CTNNA2: variants seen among roughly 807,000 people sequenced by gnomAD.
CTNNA2 encodes the protein catenin alpha-2.
In CTNNA2, 42 loss-of-function variants were observed where a neutral mutation model predicts 101.0. The observed-to-expected ratio is 0.42, with a 90% CI of 0.32 to 0.54. The LOEUF (loss-of-function observed/expected upper bound fraction) is 0.54, where lower values mean the gene tolerates loss of function less well. Among genes scored for constraint, CTNNA2 ranks in the 20% least tolerant of loss-of-function variants. The pLI is 0.14. For synonymous variants in CTNNA2, 450 were observed against 456.4 expected (o/e 0.99, Z 0.18); for missense variants, 871 against 1,223.1 (o/e 0.71, Z 4.29).
intron 3 of CTNNA2, among the ~76,000 whole-genome samples, chr2:79,770,601 T>G (rs1335690954): frequency 1.3e-5 from 2 of 152,210 alleles, no homozygotes; most frequent in African/African-American, 4.8e-5. Context: ...AAGGCAAATG[T>G]CAGTATTTAA....
intron 2 of CTNNA2, among the ~76,000 whole-genome samples, chr2:79,199,361 GTCAGTAATTGGT>G (rs1371170137): frequency 1.1e-4 from 16 of 152,114 alleles, no homozygotes; most frequent in African/African-American, 3.9e-4. Flanking sequence ...CATTGATATA[GTCAGTAATTGGT>G]TCAGGATAAG....
chr2:80,502,454 C>G lies in CTNNA2; in HGVS notation c.1291-42528C>G, dbSNP rs377072843. ...CAATGCAGGCCCTCTTTTCACACACCCTTGAAAGAAAATTCTTCAAGGAAG... is the reference window on the plus strand; with the variant it reads ...CAATGCAGGCCCTCTTTTCACACACGCTTGAAAGAAAATTCTTCAAGGAAG... On this transcript the variant is annotated intron_variant, in intron 9 of 18. Transcript: ENST00000402739. Among the ~76,000 whole-genome samples, 16 of 152,322 alleles carry G rather than the reference C, an allele frequency of 1.1e-4. No individual in the cohort carries two copies. In the East Asian group the frequency reaches 1.4e-3, roughly 13 times the overall value.
Position 80,555,771 on chromosome 2 carries a change from C to A in CTNNA2, c.1619C>A (p.Ala540Glu). 1 of 1,599,196 alleles carries A rather than the reference C, an allele frequency of 6.3e-7. No individual in the cohort carries two copies. Residue 540 changes from alanine (A) to glutamate (E), a missense_variant, in exon 12 of 19, where the codon GCA becomes GAA. Around this residue, in one of 5 missense-constraint regions of CTNNA2, gnomAD observed 647 missense variants for 831.5 expected, o/e 0.78. Transcript: ENST00000402739. Reference protein sequence around the residue: ...EGDVDTLDRTAGAIRGRAARV... With the variant: ...EGDVDTLDRTEGAIRGRAARV... ...GATGTGGACACTCTGGACCGGACTG[C>A]AGGGGCCATCAGGGGCCGGGCAGCT...
At chr2:79,966,026 T>G (rs532106650) in intron 7 of CTNNA2, among the ~76,000 whole-genome samples, 2 of 152,114 alleles carry the variant, frequency 1.3e-5, no homozygotes, top group South Asian at 4.2e-4. Context: ...TCTGGGTATG[T>G]TACTATTTGC....
chr2:80,622,157 G>A (rs952095036), intron 18 of CTNNA2, among the ~76,000 whole-genome samples: 1 of 151,918 alleles, frequency 6.6e-6, no homozygotes, highest in African/African-American at 2.4e-5. Context: ...TGTACTAGAG[G>A]AGATACATGT....
At chr2:79,949,780 G>GA (rs545668705) in intron 7 of CTNNA2, among the ~76,000 whole-genome samples, 43 of 150,286 alleles carry the variant, frequency 2.9e-4, no homozygotes, top group Non-Finnish European at 4.9e-4. Flanking sequence ...CCTGTCTTAA[G>GA]AAAAAAAAAC....
At chr2:79,851,259 A>G (rs1382748875) in intron 3 of CTNNA2, among the ~76,000 whole-genome samples, 1 of 152,136 alleles carries the variant, frequency 6.6e-6, no homozygotes, top group African/African-American at 2.4e-5. Context: ...ATATTTTCCC[A>G]CCTTGCTTTG....
At chr2:79,505,044 T>C (rs889650684) in intron 4 of CTNNA2, 2 of 152,248 alleles carry the variant, frequency 1.3e-5, no homozygotes, top group African/African-American at 4.8e-5. Context: ...TTTCTTTCTC[T>C]TTCTGGTAGC....
chr2:80,609,747 G>A (rs1439030027), intron 17 of CTNNA2, among the ~76,000 whole-genome samples: 1 of 151,606 alleles, frequency 6.6e-6, no homozygotes, highest in Non-Finnish European at 1.5e-5. Context: ...GCTTTCATTT[G>A]TTACTTTCCA....
In CTNNA2 at chr2:80,302,790, T is replaced by C. The variant is rs1676474422; in HGVS notation, c.1057-90421T>C. 5 of 1,613,618 alleles carry C rather than the reference T, an allele frequency of 3.1e-6. No homozygotes were observed. The highest frequency in any genetic ancestry group is 4.2e-6 in the Non-Finnish European group (5 of 1,179,922). ...TCCTCGCCCTGTGCGTACTCCGGGC[T>C]GGCGCACTGCAAGTTGCCATCGTAG... On this transcript the variant is annotated intron_variant, in intron 7 of 18. Transcript: ENST00000402739. The surrounding 1 kb of genome is among the most constrained non-coding windows in gnomAD (Gnocchi z 6.4).
chr2:79,538,347 T>G (rs902905541), intron 1 of CTNNA2, among the ~76,000 whole-genome samples: 2 of 151,758 alleles, frequency 1.3e-5, no homozygotes, highest in African/African-American at 4.9e-5. Context: ...AAAGCTGTTA[T>G]GATTTTTTTC....
At chr2:80,641,655 T>G (rs1442148043) in intron 18 of CTNNA2, among the ~76,000 whole-genome samples, 1 of 152,112 alleles carries the variant, frequency 6.6e-6, no homozygotes. Context: ...CCTCAGGAAG[T>G]TCACCATTCT....
chr2:79,509,951 A>G (rs1671499823), upstream of CTNNA2, among the ~76,000 whole-genome samples: 1 of 152,202 alleles, frequency 6.6e-6, no homozygotes, highest in African/African-American at 2.4e-5. Context: ...ATTGCTCAGG[A>G]GGGCTTGATA....
chr2:80,031,135 A>G (rs895110883), intron 7 of CTNNA2, among the ~76,000 whole-genome samples: 2 of 152,184 alleles, frequency 1.3e-5, no homozygotes, highest in African/African-American at 4.8e-5. Context: ...GAGGTGCACA[A>G]TGATGTATAT....
chr2:80,356,484 A>T (rs1019237656), intron 7 of CTNNA2, among the ~76,000 whole-genome samples: 4 of 152,256 alleles, frequency 2.6e-5, no homozygotes, highest in African/African-American at 9.6e-5. Flanking sequence ...ATTCTCATCC[A>T]ATAATAAACA....
intron 2 of CTNNA2, among the ~76,000 whole-genome samples, chr2:79,727,124 T>C (rs1051687355): frequency 4.6e-5 from 7 of 152,204 alleles, no homozygotes; most frequent in African/African-American, 1.7e-4. Flanking sequence ...ATTTGAAAAA[T>C]TGTTTTGCAC....
chr2:79,567,665 A>C (rs982016774), intron 1 of CTNNA2, among the ~76,000 whole-genome samples: 1 of 152,066 alleles, frequency 6.6e-6, no homozygotes, highest in Admixed American at 6.6e-5. Flanking sequence ...AAGTAGAAGC[A>C]GCAATGTTAG....
intron 3 of CTNNA2, among the ~76,000 whole-genome samples, chr2:79,754,079 A>G (rs968420438): frequency 1.1e-4 from 16 of 151,822 alleles, no homozygotes; most frequent in African/African-American, 9.7e-5. Context: ...ATGTTGGCCA[A>G]GCTGGTCTCG....
At chr2:79,445,860 T>C (rs1678826522) in intron 4 of CTNNA2, among the ~76,000 whole-genome samples, 3 of 152,038 alleles carry the variant, frequency 2.0e-5, no homozygotes, top group Admixed American at 2.0e-4. Context: ...TATGTGTTTT[T>C]AAATGTTCAT....
Sources: gnomAD v4.1 joint callset for allele counts (sites outside exome capture counted in the v4.1 genomes callset) on GRCh38, gnomAD v4.1.1 for gene constraint, gnomAD v4.1.1 regional missense constraint, Gnocchi (gnomAD v3.1) non-coding constraint, MANE v1.5 for transcripts, NCBI Gene and HGNC (gene_info 2026-07-23, HGNC 2026-07-21) for gene names.